Variants in PARD3B observed in about 807,000 individuals in gnomAD.
The protein encoded by PARD3B is par-3 family cell polarity regulator beta, also known as partitioning defective 3 homolog B.
PARD3B carries 103 observed loss-of-function variants against 130.2 expected under a neutral mutation model. The ratio of observed to expected loss-of-function variants is 0.79; its 90% CI spans 0.67 to 0.93. The LOEUF (loss-of-function observed/expected upper bound fraction) is 0.93, where lower values mean the gene tolerates loss of function less well. Ranked by LOEUF, PARD3B falls within the 40% of genes least tolerant of loss-of-function variation. The pLI, the probability that PARD3B is intolerant of heterozygous loss-of-function variation, is 0.00. For synonymous variants in PARD3B, 583 were observed against 553.2 expected, an observed-to-expected ratio of 1.05 and a Z score of -0.76; for missense variants, 1,609 against 1,499.2, an observed-to-expected ratio of 1.07 and a Z score of -1.21.
chr2:205,034,135 C>A (rs890070214), intron 3 of PARD3B, among the ~76,000 whole-genome samples: 4 of 152,130 alleles, frequency 2.6e-5, no homozygotes, highest in African/African-American at 4.8e-5. Context: ...CTCCAAAGTT[C>A]TCAGGTCTGG....
chr2:204,669,798 G>T lies in PARD3B; in HGVS notation c.121-16383G>T, dbSNP rs1269513749. 2.0e-5 allele frequency among the ~76,000 whole-genome samples: 3 copies of T among 152,168 alleles called. No individual in the cohort carries two copies. Among genetic ancestry groups the T allele is most frequent in the African/African-American group, 7.2e-5 (3 of 41,438 alleles). On this transcript the variant is annotated intron_variant, in intron 1 of 22. Transcript: ENST00000406610. This position sits in a 1 kb window ranked among gnomAD's most constrained non-coding sequence, Gnocchi z 4.3. The stretch of plus-strand genomic sequence containing the variant: ...GAAGGGGTGGAAGGTGAGGAAAAGA[G>T]TAAGGGCTGCCAAGTCCTCTTTTAC...
intron 1 of PARD3B, among the ~76,000 whole-genome samples, chr2:204,668,560 C>T (rs1417691055): frequency 6.6e-6 from 1 of 152,158 alleles, no homozygotes; most frequent in Non-Finnish European, 1.5e-5. Flanking sequence ...GTTACGTCAT[C>T]AGCTTAATTT....
intron 1 of PARD3B, among the ~76,000 whole-genome samples, chr2:204,549,048 G>C (rs969798000): frequency 1.3e-5 from 2 of 152,234 alleles, no homozygotes; most frequent in African/African-American, 4.8e-5. Flanking sequence ...CAGCGTCTGA[G>C]AAGTAACCAC....
intron 19 of PARD3B, among the ~76,000 whole-genome samples, chr2:205,432,210 C>A (rs928606280): frequency 2.0e-5 from 3 of 152,154 alleles, no homozygotes; most frequent in African/African-American, 7.2e-5. Flanking sequence ...GTATGGACAA[C>A]CACCACCTTC....
rs780777337 is a variant in PARD3B, at chr2:205,184,781, C to T, written c.1925-983C>T. On this transcript the variant is annotated intron_variant, in intron 13 of 22. Transcript: ENST00000406610. ...TAATAAATATATACACACACACACA[C>T]ATATATATATATATAAATAAAATTT... 4.8e-3 allele frequency among the ~76,000 whole-genome samples: 718 copies of T among 149,840 alleles called. 7 individuals are homozygous for T. The highest frequency in any genetic ancestry group is 8.1e-3 in the Non-Finnish European group (546 of 67,408).
chr2:205,320,093 G>A (rs968290335), intron 18 of PARD3B, among the ~76,000 whole-genome samples: 1 of 151,442 alleles, frequency 6.6e-6, no homozygotes, highest in African/African-American at 2.4e-5. Context: ...TTGAACCCGG[G>A]AGATAGAGGT....
chr2:205,417,458 C>T (rs2046819379), intron 19 of PARD3B, among the ~76,000 whole-genome samples: 2 of 152,076 alleles, frequency 1.3e-5, no homozygotes, highest in Non-Finnish European at 2.9e-5. Flanking sequence ...AATGGGATGG[C>T]TGGGTCAAAT....
rs764397904 is a variant in PARD3B at position 205,193,287 on chromosome 2, A to G, written c.2107A>G (p.Ile703Val). ...GACACCGGCCAGGCAGCCTGAATCA[A>G]TTAATTTGAAAGCCTCGAAGAGCAT... ...SVTPARQPES[I>V]NLKASKSMDL... Residue 703 changes from isoleucine to valine, a missense_variant, in exon 15 of 23, where the codon ATT becomes GTT. Coordinates refer to ENST00000406610, the MANE Select transcript of PARD3B (RefSeq NM_001302769.2). 1 of 1,613,118 alleles carries G rather than the reference A, an allele frequency of 6.2e-7. No individual in the cohort carries two copies. The highest frequency in any genetic ancestry group is 1.1e-5 in the South Asian group (1 of 91,056).
intron 10 of PARD3B, among the ~76,000 whole-genome samples, chr2:205,136,051 A>T (rs1403206242): frequency 1.3e-5 from 2 of 152,206 alleles, no homozygotes; most frequent in African/African-American, 4.8e-5. Flanking sequence ...AAACGAGTTC[A>T]ATGATGTTTC....
chr2:205,314,240 G>C (rs1037191782), intron 18 of PARD3B, among the ~76,000 whole-genome samples: 1 of 152,148 alleles, frequency 6.6e-6, no homozygotes, highest in South Asian at 2.1e-4. Flanking sequence ...AGATGCATGA[G>C]AGATGAATGT....
intron 2 of PARD3B, among the ~76,000 whole-genome samples, chr2:204,900,496 C>T (rs1325576321): frequency 6.6e-6 from 1 of 152,186 alleles, no homozygotes; most frequent in African/African-American, 2.4e-5. Context: ...TTAAATTTAT[C>T]TGACAGGTTT....
intron 13 of PARD3B, among the ~76,000 whole-genome samples, chr2:205,182,885 C>T (rs1452914134): frequency 6.6e-6 from 1 of 152,064 alleles, no homozygotes; most frequent in Admixed American, 6.6e-5. Flanking sequence ...GAGGAAGCTG[C>T]ACCCTCTCAT....
At chr2:205,270,975 C>G (rs2040703226) in intron 16 of PARD3B, among the ~76,000 whole-genome samples, 1 of 151,666 alleles carries the variant, frequency 6.6e-6, no homozygotes, top group Non-Finnish European at 1.5e-5. Context: ...CCTCCAGAGG[C>G]AAAAAAGGAA....
intron 2 of PARD3B, among the ~76,000 whole-genome samples, chr2:204,733,987 C>T (rs1451271535): frequency 6.6e-6 from 1 of 152,094 alleles, no homozygotes; most frequent in Non-Finnish European, 1.5e-5. Context: ...GATAAATTGT[C>T]AAGCCAAAGA....
chr2:205,462,266 A>G (rs2048476745), intron 20 of PARD3B, among the ~76,000 whole-genome samples: 1 of 152,244 alleles, frequency 6.6e-6, no homozygotes, highest in Non-Finnish European at 1.5e-5. Context: ...TAAAAGCCAA[A>G]TTGCTAACAG....
chr2:204,913,709 G>A (rs1224513144), intron 2 of PARD3B, among the ~76,000 whole-genome samples: 1 of 152,124 alleles, frequency 6.6e-6, no homozygotes, highest in Non-Finnish European at 1.5e-5. Flanking sequence ...AGTTTAAGAA[G>A]TTTTGCAGTG....
At chr2:204,892,657 CA>C (rs2046493067) in intron 2 of PARD3B, among the ~76,000 whole-genome samples, 1 of 152,114 alleles carries the variant, frequency 6.6e-6, no homozygotes, top group Non-Finnish European at 1.5e-5. Flanking sequence ...TGGTTTGGAT[CA>C]GGGTGATGTC....
chr2:205,532,895 TATAG>T (rs1380950148), intron 21 of PARD3B, among the ~76,000 whole-genome samples: 9 of 152,190 alleles, frequency 5.9e-5, no homozygotes, highest in African/African-American at 2.2e-4. Flanking sequence ...TAAAGCAAAT[TATAG>T]ATAGATACAT....
At chr2:204,998,384 G>GA in intron 3 of PARD3B, among the ~76,000 whole-genome samples, 1 of 81,526 alleles carries the variant, frequency 1.2e-5, no homozygotes, top group South Asian at 3.2e-4. Flanking sequence ...GTATATATGT[G>GA]TGTGTATATA....
Sources: gnomAD v4.1 joint callset for allele counts (sites outside exome capture counted in the v4.1 genomes callset) on GRCh38, gnomAD v4.1.1 for gene constraint, Gnocchi (gnomAD v3.1) non-coding constraint, MANE v1.5 for transcripts, NCBI Gene and HGNC (gene_info 2026-07-23, HGNC 2026-07-21) for gene names.